Variants in CLCA1 observed in about 807,000 individuals in gnomAD.
The protein encoded by CLCA1 is chloride channel accessory 1.
Under a neutral mutation model 85.6 loss-of-function variants are expected in CLCA1, and 59 were observed. The observed-to-expected ratio is 0.69, with a 90% confidence interval of 0.56 to 0.86. The LOEUF (loss-of-function observed/expected upper bound fraction) is 0.86. Ranked by LOEUF, CLCA1 falls within the 40% of genes least tolerant of loss-of-function variation. CLCA1 has a pLI of 0.00. For synonymous variants in CLCA1, 396 were observed against 398.3 expected (o/e 0.99, Z 0.07); for missense variants, 1,022 against 1,101.4 (o/e 0.93, Z 1.02).
chr1:86,473,928 A>T (rs1440671567), intron 3 of CLCA1, 52 bp downstream of exon 3: 1 of 1,370,952 alleles, frequency 7.3e-7, no homozygotes, highest in East Asian at 2.3e-5. Flanking sequence ...TTTATGTTCA[A>T]AGTGTATCAA....
intron 12 of CLCA1, among the ~76,000 whole-genome samples, chr1:86,496,975 G>A (rs555293333): frequency 4.0e-4 from 61 of 152,262 alleles, no homozygotes; most frequent in African/African-American, 1.4e-3. Context: ...TGATCTGCCC[G>A]CCTCGGCCTC....
chr1:86,478,533 A>G (rs1482456797), intron 4 of CLCA1, among the ~76,000 whole-genome samples: 1 of 152,120 alleles, frequency 6.6e-6, no homozygotes, highest in Non-Finnish European at 1.5e-5. Flanking sequence ...CACTACATGG[A>G]CCACAGCACA....
In CLCA1 at chr1:86,488,905, A is replaced by C. The variant is rs1648060263; in HGVS notation, c.1183-91A>C. ...AGACAATTTTGGTTATTCCCTCTAG[A>C]ATTTCTTTTCTCCTTTCCTGTAAGC... On this transcript the variant is annotated intron_variant, in intron 7 of 13. Transcript: ENST00000394711. 9 of 1,103,048 alleles carry C rather than the reference A, an allele frequency of 8.2e-6. No individual in the cohort carries two copies. In the Admixed American group the frequency reaches 1.8e-4, roughly 21 times the overall value. 68.3% of individuals were successfully genotyped at this position (1,103,048 alleles called of 1,614,324 possible).
Position 86,481,247 on chromosome 1 carries a change from G to T in CLCA1, c.558-958G>T, listed in dbSNP as rs922833247. Among the ~76,000 whole-genome samples, 5 of 151,636 alleles carry T rather than the reference G, an allele frequency of 3.3e-5. No individual in the cohort carries two copies. The East Asian group carries it at 7.8e-4, about 24-fold the overall frequency. ...TGCCTCTCAGGTTCAAGCAATTCTC[G>T]TGCCTTAGCTTCCCGAGTAGCTGGG... On this transcript the variant is annotated intron_variant, in intron 4 of 13. Coordinates refer to ENST00000394711, the MANE Select transcript of CLCA1 (RefSeq NM_001285.4).
intron 7 of CLCA1, among the ~76,000 whole-genome samples, 155 bp from the exon 8 acceptor site, chr1:86,488,841 T>G (rs1466746008): frequency 1.3e-5 from 2 of 152,156 alleles, no homozygotes; most frequent in African/African-American, 4.8e-5. Context: ...TGGGTTAAGA[T>G]TGTATCATTT....
At chr1:86,469,199 A>G (rs754403567) in intron 1 of CLCA1, 66 bp downstream of exon 1, 39 of 1,181,854 alleles carry the variant, frequency 3.3e-5, no homozygotes, top group Non-Finnish European at 4.3e-5. Context: ...AGAGAACATG[A>G]GTGCCCTATT....
intron 12 of CLCA1, 21 bp from the exon 13 acceptor site, chr1:86,498,551 T>C: frequency 2.5e-6 from 4 of 1,606,818 alleles, no homozygotes; most frequent in Non-Finnish European, 3.4e-6. Flanking sequence ...TTACCATATT[T>C]TGAGTATTTT....
chr1:86,485,204 A>AT (rs1647930701), intron 5 of CLCA1, 139 bp from the exon 6 acceptor site: 2 of 675,602 alleles, frequency 3.0e-6, no homozygotes, highest in East Asian at 5.4e-5. Flanking sequence ...TATTACTGTG[A>AT]TTTTCCCCAG....
intron 12 of CLCA1, 93 bp downstream of exon 12, chr1:86,495,768 A>C: frequency 8.3e-7 from 1 of 1,197,912 alleles, no homozygotes; most frequent in Non-Finnish European, 1.1e-6. Context: ...GTGCATGATT[A>C]AATCAGGGTT....
At position 86,495,580 on chromosome 1, in the gene CLCA1, T is replaced by C; in HGVS notation, c.2018T>C (p.Val673Ala). The C allele has an allele frequency of 6.2e-7, 1 of 1,614,122 alleles. No individual in the cohort carries two copies. The highest frequency in any genetic ancestry group is 8.5e-7 in the Non-Finnish European group (1 of 1,179,986). Residue 673 changes from valine to alanine, a missense_variant, in exon 12 of 14, where the codon GTA becomes GCA. Physicochemically the swap from Val to Ala is moderately conservative, Grantham distance 64. Coordinates refer to ENST00000394711, the MANE Select transcript of CLCA1 (RefSeq NM_001285.4). Reference protein sequence around the residue: ...TTYDTNGRYSVKVRALGGVNA... With the variant: ...TTYDTNGRYSAKVRALGGVNA... ...TATGACACGAATGGTAGATACAGTGTAAAAGTGCGGGCTCTGGGAGGAGTT... is the reference window on the plus strand; with the variant it reads ...TATGACACGAATGGTAGATACAGTGCAAAAGTGCGGGCTCTGGGAGGAGTT...
chr1:86,471,957 T>C (rs1647508744), intron 1 of CLCA1, among the ~76,000 whole-genome samples: 1 of 151,804 alleles, frequency 6.6e-6, no homozygotes, highest in South Asian at 2.1e-4. Context: ...GGCAATGGAG[T>C]CTAGTCACTC....
intron 11 of CLCA1, 139 bp downstream of exon 11, chr1:86,494,587 A>G: frequency 1.2e-6 from 1 of 841,452 alleles, no homozygotes; most frequent in Non-Finnish European, 1.8e-6. Context: ...AGAGTTCTCC[A>G]TTTCCCCACA....
At chr1:86,493,711 T>C in intron 10 of CLCA1, 112 bp downstream of exon 10, 2 of 799,686 alleles carry the variant, frequency 2.5e-6, no homozygotes, top group South Asian at 3.6e-5. Context: ...GAGTCAGTAT[T>C]GAATCAAAGA....
Position 86,498,758 on chromosome 1 carries a change from G to T in CLCA1, c.2300G>T (p.Ser767Ile). Residue 767 changes from serine to isoleucine, a missense_variant, in exon 13 of 14, where the codon AGT becomes ATT. Transcript: ENST00000394711. ...CTGAAGGCGGAAATTCACGGGGGCA[G>T]TCTCATTAATCTGACTTGGACAGCT... ...TDLKAEIHGG[S>I]LINLTWTAPG... 2 of 1,614,110 alleles carry T rather than the reference G, an allele frequency of 1.2e-6. No homozygotes were observed. Among genetic ancestry groups the T allele is most frequent in the South Asian group, 2.2e-5 (2 of 91,072 alleles).
intron 4 of CLCA1, among the ~76,000 whole-genome samples, chr1:86,480,228 ATAAAC>A (rs1558136855): frequency 6.6e-6 from 1 of 152,178 alleles, no homozygotes. Context: ...CAAACCAAAC[ATAAAC>A]TAAATAAAAA....
In CLCA1 at chr1:86,489,106, C is replaced by A. The variant is rs774061074; in HGVS notation, c.1293C>A (p.Ile431=). 26 of 1,614,126 alleles carry A rather than the reference C, an allele frequency of 1.6e-5. No individual in the cohort carries two copies. The African/African-American group carries it at 2.5e-4, about 16-fold the overall frequency. The change falls in exon 8 of 14, where the codon ATC becomes ATA. Residue 431 remains isoleucine (I), a synonymous_variant. Coordinates refer to ENST00000394711, the MANE Select transcript of CLCA1 (RefSeq NM_001285.4). The part of the protein sequence containing the change: ...CFNEVKQSGA[I]IHTVALGPSA... ...ACGAGGTCAAACAAAGTGGTGCCAT[C>A]ATCCACACAGTCGCTTTGGGGCCCT...
At chr1:86,488,952 G>C in intron 7 of CLCA1, 44 bp from the exon 8 acceptor site, 1 of 1,521,256 alleles carries the variant, frequency 6.6e-7, no homozygotes, top group South Asian at 1.2e-5. Flanking sequence ...AAACACTTTG[G>C]CCACCCTAAG....
Position 86,473,465 on chromosome 1 carries a change from C to A in CLCA1, c.211C>A (p.Arg71=), listed in dbSNP as rs200279591. 8.7e-6 allele frequency: 14 copies of A among 1,608,928 alleles called. No individual in the cohort carries two copies. Among genetic ancestry groups the A allele is most frequent in the Non-Finnish European group, 1.0e-5 (12 of 1,175,716 alleles). ...SLYLLEATGK[R]FYFKNVAILI... Reference sequence around the variant, plus strand: ...GTATCTGCTTGAAGCTACAGGAAAGCGATTTTATTTCAAAAATGTTGCCAT... The same window carrying A: ...GTATCTGCTTGAAGCTACAGGAAAGAGATTTTATTTCAAAAATGTTGCCAT... The change falls in exon 2 of 14, where the codon CGA becomes AGA. Residue 71 remains arginine (R), a synonymous_variant. Coordinates refer to ENST00000394711, the MANE Select transcript of CLCA1 (RefSeq NM_001285.4).
intron 4 of CLCA1, among the ~76,000 whole-genome samples, chr1:86,480,168 T>C (rs539743255): frequency 6.6e-6 from 1 of 152,072 alleles, no homozygotes; most frequent in East Asian, 1.9e-4. Flanking sequence ...AAAATATAAC[T>C]AAGAGAATAA....
Sources: gnomAD v4.1 joint callset for allele counts (sites outside exome capture counted in the v4.1 genomes callset) on GRCh38, gnomAD v4.1.1 for gene constraint, MANE v1.5 for transcripts, NCBI Gene and HGNC (gene_info 2026-07-23, HGNC 2026-07-21) for gene names.